Variants in ALS2CL observed in about 807,000 individuals in gnomAD.
ALS2CL encodes ALS2 C-terminal like, also known as ALS2 C-terminal-like protein.
ALS2CL carries 112 observed loss-of-function variants against 127.9 expected under a neutral mutation model. That is an observed-to-expected ratio of 0.88 (90% CI 0.75 to 1.02). The LOEUF is 1.02. Among genes scored for constraint, ALS2CL ranks in the 50% least tolerant of loss-of-function variants. ALS2CL has a pLI of 0.00. For missense variants in ALS2CL, 1,174 were observed against 1,236.7 expected (o/e 0.95, Z 0.76); for synonymous variants, 519 against 527.6 (o/e 0.98, Z 0.22).
rs747409127 is a variant in ALS2CL, at chr3:46,672,005, C to T, written c.2563G>A (p.Glu855Lys). 1 of 1,614,096 alleles carries T rather than the reference C, an allele frequency of 6.2e-7. No homozygotes were observed. The highest frequency in any genetic ancestry group is 8.5e-7 in the Non-Finnish European group (1 of 1,180,028). ...MTTVDPREKL[E>K]VLERTYGEIE... The stretch of plus-strand genomic sequence containing the variant: ...TCCCCGTATGTCCTCTCCAGCACCT[C>T]CAGCTTCTCCCGTGGGTCCACCGTG... Residue 855 changes from glutamate to lysine, a missense_variant, in exon 24 of 26, where the codon GAG (glutamate) becomes AAG (lysine). Physicochemically the swap from Glu to Lys is moderately conservative, Grantham distance 56 (BLOSUM62 1). Coordinates refer to ENST00000318962, the MANE Select transcript of ALS2CL (RefSeq NM_147129.5).
At chr3:46,672,235 A>C (rs752951452) in intron 22 of ALS2CL, 34 bp from the exon 23 acceptor site, 2 of 1,611,788 alleles carry the variant, frequency 1.2e-6, no homozygotes, top group Non-Finnish European at 1.7e-6. Flanking sequence ...GGATGAGGCC[A>C]TGGCCCCCCA....
At chr3:46,691,636 T>C (rs1290999664) in intron 1 of ALS2CL, among the ~76,000 whole-genome samples, 2 of 152,144 alleles carry the variant, frequency 1.3e-5, no homozygotes, top group Admixed American at 6.5e-5. Context: ...TACTCCTCTC[T>C]GTACCTCAGC....
At chr3:46,688,398 G>C in intron 2 of ALS2CL, 102 bp from the exon 3 acceptor site, 3 of 1,125,848 alleles carry the variant, frequency 2.7e-6, no homozygotes, top group Non-Finnish European at 3.8e-6. Context: ...CACCAGCACC[G>C]GCCAGCCCTG....
chr3:46,685,187 G>C (rs1029751984), intron 7 of ALS2CL, among the ~76,000 whole-genome samples: 4 of 152,136 alleles, frequency 2.6e-5, no homozygotes, highest in African/African-American at 9.7e-5. Flanking sequence ...AGTACAATGG[G>C]AACTAAGAGT....
chr3:46,671,106 G>A (rs1698348265), intron 25 of ALS2CL, 42 bp from the exon 26 acceptor site: 1 of 1,571,330 alleles, frequency 6.4e-7, no homozygotes, highest in Non-Finnish European at 8.8e-7. Flanking sequence ...TGACCTGCCT[G>A]ATCCCAACCA....
intron 14 of ALS2CL, 172 bp downstream of exon 14, chr3:46,680,258 C>T: frequency 3.1e-6 from 2 of 653,420 alleles, no homozygotes; most frequent in South Asian, 1.9e-5. Flanking sequence ...TTGGCCAGGG[C>T]CAGGGGAGGT....
In ALS2CL at chr3:46,683,221, A is replaced by T; in HGVS notation, c.1018T>A (p.Cys340Ser). Residue 340 changes from cysteine to serine, a missense_variant, in exon 10 of 26, where the codon TGC (cysteine) becomes AGC (serine). Transcript: ENST00000318962. The part of the protein sequence containing the change: ...AGLEPSQPPD[C>S]RCAEYTFQAE... ...TGGAAGGTATATTCTGCGCAGCGGC[A>T]GTCGGGAGGCTGGGAGGGCTCCAGG... The T allele has an allele frequency of 4.4e-6, 7 of 1,609,092 alleles. No homozygotes were observed. The highest frequency in any genetic ancestry group is 5.9e-6 in the Non-Finnish European group (7 of 1,178,142).
intron 1 of ALS2CL, among the ~76,000 whole-genome samples, chr3:46,691,267 C>A (rs1371236586): frequency 1.3e-5 from 2 of 152,180 alleles, no homozygotes; most frequent in Non-Finnish European, 2.9e-5. Flanking sequence ...TGGCAGTCAG[C>A]TGGGGTCTAA....
At chr3:46,680,230 G>T in intron 14 of ALS2CL, 200 bp downstream of exon 14, 1 of 581,960 alleles carries the variant, frequency 1.7e-6, no homozygotes, top group Non-Finnish European at 3.1e-6. Context: ...GGGAAACCAA[G>T]GTCAGGCAGA....
chr3:46,675,675 C>A lies in ALS2CL; in HGVS notation c.2198G>T (p.Arg733Leu). Residue 733 changes from arginine (R) to leucine (L), a missense_variant, in exon 20 of 26, where the codon CGA becomes CTA. By Grantham distance (102) the Arg-to-Leu change is moderately radical (BLOSUM62 -2). Transcript: ENST00000318962. Reference protein sequence around the residue: ...ELWAAYRGLLRVALERKGQAL... With the variant: ...ELWAAYRGLLLVALERKGQAL... Reference sequence around the variant, plus strand: ...CTGGCCCTTGCGCTCTAAGGCAACTCGCAGCAGACCCCTGTGAGTCAATGA... The same window carrying A: ...CTGGCCCTTGCGCTCTAAGGCAACTAGCAGCAGACCCCTGTGAGTCAATGA... The A allele has an allele frequency of 6.2e-7, 1 of 1,613,728 alleles. No homozygotes were observed. Among genetic ancestry groups the A allele is most frequent in the Middle Eastern group, 1.6e-4 (1 of 6,062 alleles).
intron 9 of ALS2CL, 90 bp from the exon 10 acceptor site, chr3:46,683,416 C>T: frequency 8.3e-7 from 1 of 1,205,948 alleles, no homozygotes; most frequent in East Asian, 2.5e-5. Context: ...AGGTACCACC[C>T]CCTCCACCCT....
At chr3:46,676,504 A>G in intron 18 of ALS2CL, 102 bp from the exon 19 acceptor site, 2 of 1,562,156 alleles carry the variant, frequency 1.3e-6, no homozygotes, top group Non-Finnish European at 8.7e-7. Context: ...CATACACGAG[A>G]ACACTGAGGT....
At chr3:46,685,291 G>A (rs1699676647) in intron 7 of ALS2CL, among the ~76,000 whole-genome samples, 1 of 152,222 alleles carries the variant, frequency 6.6e-6, no homozygotes, top group Admixed American at 6.5e-5. Context: ...AAGGACACCA[G>A]CTGGGAAGGG....
In ALS2CL at chr3:46,676,692, C is replaced by T; in HGVS notation, c.1978G>A (p.Glu660Lys). ...SVGSMEDILE[E>K]LLQHREPKAL... ...TTGGGCTCCCGGTGCTGCAGCAGCTCCTCCAGGATGTCTTCCATACTGCCC... is the reference window on the plus strand; with the variant it reads ...TTGGGCTCCCGGTGCTGCAGCAGCTTCTCCAGGATGTCTTCCATACTGCCC... The change falls in exon 18 of 26, where the codon GAG (glutamate) becomes AAG (lysine). Residue 660 changes from glutamate (E) to lysine (K), a missense_variant. Transcript: ENST00000318962. The T allele has an allele frequency of 6.2e-7, 1 of 1,613,700 alleles. No homozygotes were observed. The highest frequency in any genetic ancestry group is 8.5e-7 in the Non-Finnish European group (1 of 1,179,974).
rs560582854 is a variant in ALS2CL, at chr3:46,674,552, A to G, written c.2429+14T>C. On this transcript the variant is annotated intron_variant, in intron 21 of 25. Transcript: ENST00000318962. ...AGTCCTGGCTAACACGGCACGGGGG[A>G]AGGGAAGGCTTACTTCTGCACATCC... The G allele has an allele frequency of 1.0e-4, 161 of 1,606,566 alleles. 1 individual carries two copies. The South Asian group carries it at 1.7e-3, about 17-fold the overall frequency.
At position 46,669,090 on chromosome 3, in the gene ALS2CL, G is replaced by A. The variant is rs1015848886; in HGVS notation, c.*1894C>T. 1.3e-5 allele frequency: 2 copies of A among 152,004 alleles called. No individual in the cohort carries two copies. The highest frequency in any genetic ancestry group is 2.4e-5 in the African/African-American group (1 of 41,354). 9.4% of individuals were successfully genotyped at this position (152,004 alleles called of 1,614,324 possible). A position where few individuals can be genotyped will look rare whatever the true frequency, so the allele number is the denominator to read the frequency against. ...TTTGTCACCCAGGATTGAGTGCAGA[G>A]GTGCGATCTCCGCTCACTGCAACCT... On this transcript the variant is annotated 3_prime_UTR_variant, in exon 26 of 26. Transcript: ENST00000318962.
In ALS2CL at chr3:46,676,676, C is replaced by G; in HGVS notation, c.1994G>C (p.Arg665Pro). Reference sequence around the variant, plus strand: ...GTACAGCTGCAGGGCCTTGGGCTCCCGGTGCTGCAGCAGCTCCTCCAGGAT... The same window carrying G: ...GTACAGCTGCAGGGCCTTGGGCTCCGGGTGCTGCAGCAGCTCCTCCAGGAT... Reference protein sequence around the residue: ...EDILEELLQHREPKALQLYLR... With the variant: ...EDILEELLQHPEPKALQLYLR... The change falls in exon 18 of 26, where the codon CGG (arginine) becomes CCG (proline). Residue 665 changes from arginine (R) to proline (P), a missense_variant. By Grantham distance (103) the Arg-to-Pro change is moderately radical. Coordinates refer to ENST00000318962, the MANE Select transcript of ALS2CL (RefSeq NM_147129.5). The G allele has an allele frequency of 6.2e-7, 1 of 1,613,592 alleles. No individual in the cohort carries two copies.
intron 4 of ALS2CL, 55 bp downstream of exon 4, chr3:46,687,564 C>T: frequency 1.3e-6 from 2 of 1,596,090 alleles, no homozygotes; most frequent in Non-Finnish European, 1.7e-6. Context: ...CCGACCCCAC[C>T]CTCACTCAGG....
chr3:46,676,801 C>T, intron 17 of ALS2CL, 48 bp downstream of exon 17: 2 of 1,606,558 alleles, frequency 1.2e-6, no homozygotes, highest in Non-Finnish European at 1.7e-6. Context: ...CCCAGGAAGC[C>T]CTCCCCAGCC....
Sources: gnomAD v4.1 joint callset for allele counts (sites outside exome capture counted in the v4.1 genomes callset) on GRCh38, gnomAD v4.1.1 for gene constraint, MANE v1.5 for transcripts, NCBI Gene and HGNC (gene_info 2026-07-23, HGNC 2026-07-21) for gene names.